The following MCM5 variants were observed in gnomAD, a reference collection of about 807,000 sequenced individuals.
The protein encoded by MCM5 is DNA replication licensing factor MCM5.
MCM5 carries 46 observed loss-of-function variants against 79.9 expected under a neutral mutation model. The observed-to-expected ratio is 0.58, with a 90% CI of 0.45 to 0.74. MCM5 has a LOEUF of 0.74. Ranked by LOEUF, MCM5 falls within the 30% of genes least tolerant of loss-of-function variation. MCM5 has a pLI of 0.00. For synonymous variants in MCM5, 404 were observed against 390.5 expected, an observed-to-expected ratio of 1.03 and a Z score of -0.41; for missense variants, 883 against 1,017.0, an observed-to-expected ratio of 0.87 and a Z score of 1.79.
At chr22:35,401,116 G>A (rs897077824) in intron 2 of MCM5, among the ~76,000 whole-genome samples, 4 of 152,188 alleles carry the variant, frequency 2.6e-5, no homozygotes, top group African/African-American at 9.6e-5. Flanking sequence ...CACCGTGCCC[G>A]GCCTGCTTTG....
downstream of MCM5, among the ~76,000 whole-genome samples, chr22:35,426,144 A>G (rs1220232372): frequency 6.6e-6 from 1 of 152,084 alleles, no homozygotes; most frequent in Non-Finnish European, 1.5e-5. Context: ...GAGAGGCCAA[A>G]GGGGGTCCGA....
At chr22:35,452,285 C>T in the MCM5 span, among the ~76,000 whole-genome samples, 4 of 152,226 alleles carry the variant, frequency 2.6e-5, no homozygotes, top group Admixed American at 6.5e-5. Flanking sequence ...CCCACCCCCA[C>T]GCAGGCCTCG....
At position 35,410,823 on chromosome 22, in the gene MCM5, A is replaced by G. The variant is rs2145790705; in HGVS notation, c.832A>G (p.Thr278Ala). The G allele has an allele frequency of 6.2e-7, 1 of 1,613,986 alleles. No homozygotes were observed. Among genetic ancestry groups the G allele is most frequent in the Non-Finnish European group, 8.5e-7 (1 of 1,179,924 alleles). Reference sequence around the variant, plus strand: ...CTCCATCAAGAAGTTTGGCCTGACTACCAGCAGGGGCCGTGACAGGGTGGG... The same window carrying G: ...CTCCATCAAGAAGTTTGGCCTGACTGCCAGCAGGGGCCGTGACAGGGTGGG... Reference protein sequence around the residue: ...IYSIKKFGLTTSRGRDRVGVG... With the variant: ...IYSIKKFGLTASRGRDRVGVG... The change falls in exon 7 of 17, where the codon ACC becomes GCC. Residue 278 changes from threonine to alanine, a missense_variant. Transcript: ENST00000216122.
chr22:35,401,492 G>A, intron 2 of MCM5: 2 of 469,748 alleles, frequency 4.3e-6, no homozygotes, highest in Non-Finnish European at 8.8e-6. Flanking sequence ...GTGACATCAT[G>A]AGAATTCTCA....
At chr22:35,453,815 T>TAGAGAGAG in the MCM5 span, among the ~76,000 whole-genome samples, 117 of 89,210 alleles carry the variant, frequency 1.3e-3, no homozygotes, top group African/African-American at 3.5e-3. Context: ...TATATATATA[T>TAGAGAGAG]ATATAGAGAG....
chr22:35,451,239 A>G, the MCM5 span, among the ~76,000 whole-genome samples: 4 of 151,974 alleles, frequency 2.6e-5, no homozygotes, highest in South Asian at 2.1e-4. Context: ...TAAGTTTCCA[A>G]TTGAAGCAAA....
chr22:35,406,302 C>CG (rs1555903426), intron 4 of MCM5, among the ~76,000 whole-genome samples: 1 of 142,984 alleles, frequency 7.0e-6, no homozygotes, highest in African/African-American at 2.6e-5. Flanking sequence ...TGCCACCTCC[C>CG]CCCCCAATTG....
the MCM5 span, among the ~76,000 whole-genome samples, chr22:35,430,613 C>G: frequency 7.5e-4 from 113 of 151,430 alleles, no homozygotes; most frequent in Middle Eastern, 3.4e-3. Context: ...AGCAATTCTT[C>G]TGCCTCAGCC....
chr22:35,416,821 C>T lies in MCM5; in HGVS notation c.1590+7C>T. ...CAATGAGGAGAGGGATGTGGTACGTCCAGGGGCAGGGCTGGTGGCCATGGG... is the reference window on the plus strand; with the variant it reads ...CAATGAGGAGAGGGATGTGGTACGTTCAGGGGCAGGGCTGGTGGCCATGGG... On this transcript the variant is annotated splice_region_variant and intron_variant, in intron 12 of 16. Coordinates refer to ENST00000216122, the MANE Select transcript of MCM5 (RefSeq NM_006739.4). 1 of 1,612,640 alleles carries T rather than the reference C, an allele frequency of 6.2e-7. No homozygotes were observed. The highest frequency in any genetic ancestry group is 8.5e-7 in the Non-Finnish European group (1 of 1,179,382).
chr22:35,400,847 G>C (rs1932024766), intron 2 of MCM5, among the ~76,000 whole-genome samples: 2 of 152,164 alleles, frequency 1.3e-5, no homozygotes. Context: ...TTGAGACGGA[G>C]TCTCGCTCTG....
At chr22:35,454,677 C>T in the MCM5 span, among the ~76,000 whole-genome samples, 1 of 152,222 alleles carries the variant, frequency 6.6e-6, no homozygotes, top group Non-Finnish European at 1.5e-5. Flanking sequence ...CTCTGACCTT[C>T]TGCCGGACAG....
Position 35,424,303 on chromosome 22 carries a change from C to T in MCM5, c.*48C>T. On this transcript the variant is annotated 3_prime_UTR_variant, in exon 17 of 17. Coordinates refer to ENST00000216122, the MANE Select transcript of MCM5 (RefSeq NM_006739.4). ...ATGGACTCGCCCACGCCTCGCCCCT[C>T]CTGCCGCTGCCTGCCATTGACAATG... The T allele has an allele frequency of 7.7e-7, 1 of 1,298,790 alleles. No individual in the cohort carries two copies. Among genetic ancestry groups the T allele is most frequent in the Non-Finnish European group, 1.1e-6 (1 of 937,468 alleles). The allele number at this position is 1,298,790 out of a possible 1,614,324, so 80.5% of individuals were successfully genotyped here. A position where few individuals can be genotyped will look rare whatever the true frequency, so the allele number is the denominator to read the frequency against.
chr22:35,420,023 G>C lies in MCM5; in HGVS notation c.1832+11G>C. On this transcript the variant is annotated intron_variant, in intron 14 of 16. Transcript: ENST00000216122. The stretch of plus-strand genomic sequence containing the variant: ...CCCCATCACTGTGCGGTGAGCAGGC[G>C]GGCAGGGCTGGGCCATGGCAGATGG... 1 of 1,595,952 alleles carries C rather than the reference G, an allele frequency of 6.3e-7. No individual in the cohort carries two copies. Among genetic ancestry groups the C allele is most frequent in the South Asian group, 1.1e-5 (1 of 89,102 alleles).
At chr22:35,425,700 G>C (rs116728290), downstream of MCM5, among the ~76,000 whole-genome samples, 8 of 152,180 alleles carry the variant, frequency 5.3e-5, no homozygotes, top group African/African-American at 1.9e-4. Context: ...GTTCCTGCTA[G>C]CCTTTCATCT....
chr22:35,409,416 A>T (rs1201605138), intron 6 of MCM5: 2 of 152,228 alleles, frequency 1.3e-5, no homozygotes, highest in Non-Finnish European at 2.9e-5. Flanking sequence ...TCTAAAAAAA[A>T]AAAATTTATT....
intron 11 of MCM5, 116 bp downstream of exon 11, chr22:35,416,520 T>TGTGTGC (rs1428461176): frequency 4.7e-6 from 1 of 211,132 alleles, no homozygotes; most frequent in Non-Finnish European, 7.9e-6. Flanking sequence ...TCTGTGTGTG[T>TGTGTGC]GTGTGTGTGT....
intron 14 of MCM5, 117 bp from the exon 15 acceptor site, chr22:35,421,201 T>A: frequency 3.5e-6 from 3 of 856,346 alleles, no homozygotes; most frequent in Non-Finnish European, 5.3e-6. Flanking sequence ...TGGGGACACC[T>A]AGCAGTCTCC....
At chr22:35,448,947 C>A in the MCM5 span, among the ~76,000 whole-genome samples, 1 of 152,262 alleles carries the variant, frequency 6.6e-6, no homozygotes, top group South Asian at 2.1e-4. Context: ...AGCACTGGGA[C>A]ACTCACTTCT....
chr22:35,400,378 G>A, intron 1 of MCM5, 53 bp from the exon 2 acceptor site: 2 of 1,603,428 alleles, frequency 1.2e-6, no homozygotes, highest in East Asian at 2.2e-5. Context: ...TCGGAGGGGA[G>A]GAGGTGCCAG....
Sources: gnomAD v4.1 joint callset for allele counts (sites outside exome capture counted in the v4.1 genomes callset) on GRCh38, gnomAD v4.1.1 for gene constraint, MANE v1.5 for transcripts, NCBI Gene and HGNC (gene_info 2026-07-23, HGNC 2026-07-21) for gene names.